The following RAC2 variants were observed in gnomAD, a reference collection of about 807,000 sequenced individuals.
RAC2 encodes the protein Rac family small GTPase 2.
A neutral mutation model predicts 24.0 loss-of-function variants in RAC2; 1 was observed. That is an observed-to-expected ratio of 0.04 (90% CI 0.01 to 0.20). The LOEUF (loss-of-function observed/expected upper bound fraction) is 0.20, where lower values mean the gene tolerates loss of function less well. RAC2 is among the 10% of genes least tolerant of loss of function. RAC2 has a pLI of 1.00. For synonymous variants in RAC2, 114 were observed against 106.8 expected (o/e 1.07, Z -0.41); for missense variants, 130 against 259.1 (o/e 0.50, Z 3.42).
At chr22:37,237,468 G>A (rs1407297984) in intron 2 of RAC2, among the ~76,000 whole-genome samples, 1 of 152,092 alleles carries the variant, frequency 6.6e-6, no homozygotes, top group Non-Finnish European at 1.5e-5. Flanking sequence ...TGGACATCAT[G>A]AGGCACCCAC....
rs1927490422 is a variant in RAC2, at chr22:37,244,105, G to A, written c.35+9C>T. On this transcript the variant is annotated intron_variant, in intron 1 of 6. Coordinates refer to ENST00000249071, the MANE Select transcript of RAC2 (RefSeq NM_002872.5). The stretch of plus-strand genomic sequence containing the variant: ...TGGGGGCTGTGAGGAAGTCCAGCCA[G>A]GTACCTACCCATCTCCCACCACCAC... 6.2e-7 allele frequency: 1 copy of A among 1,614,214 alleles called. No individual in the cohort carries two copies. The highest frequency in any genetic ancestry group is 1.3e-5 in the African/African-American group (1 of 75,076).
At chr22:37,234,340 A>G (rs1484439452) in intron 2 of RAC2, among the ~76,000 whole-genome samples, 1 of 152,148 alleles carries the variant, frequency 6.6e-6, no homozygotes, top group African/African-American at 2.4e-5. Context: ...GGTGCTGGCT[A>G]CCCACGCTGT....
chr22:37,234,752 TG>T (rs1372900833), intron 2 of RAC2, among the ~76,000 whole-genome samples: 1 of 152,208 alleles, frequency 6.6e-6, no homozygotes, highest in African/African-American at 2.4e-5. Context: ...ACCTGGTCTC[TG>T]GCCCCCACAC....
At chr22:37,236,497 G>T (rs1927226946) in intron 2 of RAC2, among the ~76,000 whole-genome samples, 1 of 152,242 alleles carries the variant, frequency 6.6e-6, no homozygotes, top group Non-Finnish European at 1.5e-5. Context: ...GCAGAGCAAG[G>T]CTAGATCCTG....
intron 3 of RAC2, chr22:37,232,325 G>A: frequency 2.1e-6 from 1 of 465,448 alleles, no homozygotes; most frequent in East Asian, 4.3e-5. Flanking sequence ...TCTGGTGAGG[G>A]GAGGATCTGG....
At chr22:37,230,172 C>A (rs1490577437) in intron 5 of RAC2, among the ~76,000 whole-genome samples, 2 of 151,688 alleles carry the variant, frequency 1.3e-5, no homozygotes, top group African/African-American at 2.4e-5. Context: ...TGTGTCACCA[C>A]GCTAGTCACA....
At chr22:37,234,602 TCTC>T (rs903420688) in intron 2 of RAC2, among the ~76,000 whole-genome samples, 29 of 151,894 alleles carry the variant, frequency 1.9e-4, no homozygotes, top group African/African-American at 7.0e-4. Context: ...TCCTCTGACT[TCTC>T]CTCCTACTCC....
chr22:37,228,723 G>A (rs1397940138), intron 5 of RAC2, among the ~76,000 whole-genome samples: 1 of 152,250 alleles, frequency 6.6e-6, no homozygotes, highest in African/African-American at 2.4e-5. Flanking sequence ...CAGAGCTGGG[G>A]GGAGAAGTCG....
At chr22:37,241,535 G>T in intron 2 of RAC2, 52 bp downstream of exon 2, 1 of 1,552,118 alleles carries the variant, frequency 6.4e-7, no homozygotes, top group Non-Finnish European at 8.9e-7. Context: ...GGGTCGACTT[G>T]GTGACGGTCT....
chr22:37,244,004 C>T, intron 1 of RAC2, 110 bp downstream of exon 1: 1 of 1,457,082 alleles, frequency 6.9e-7, no homozygotes, highest in South Asian at 1.2e-5. Flanking sequence ...AAGCTGCCTT[C>T]CAGGGACGCC....
intron 1 of RAC2, 35 bp downstream of exon 1, chr22:37,244,079 T>C (rs373926430): frequency 3.5e-5 from 56 of 1,613,522 alleles, no homozygotes; most frequent in Non-Finnish European, 4.5e-5. Flanking sequence ...GGCATCCCAG[T>C]TGGGGGCTGT....
Position 37,231,470 on chromosome 22 carries a change from G to A in RAC2, c.289-80C>T, listed in dbSNP as rs2145823708. 5 of 1,397,696 alleles carry A rather than the reference G, an allele frequency of 3.6e-6. No homozygotes were observed. In the South Asian group the frequency reaches 5.8e-5, roughly 16 times the overall value. 86.6% of individuals were successfully genotyped at this position (1,397,696 alleles called of 1,614,324 possible). Reference sequence around the variant, plus strand: ...GCTGTGCGGGGATCAGAGGGAGTGTGAGGGTGTAGGGAGAGGAGAGGCAGC... The same window carrying A: ...GCTGTGCGGGGATCAGAGGGAGTGTAAGGGTGTAGGGAGAGGAGAGGCAGC... On this transcript the variant is annotated intron_variant, in intron 4 of 6. Coordinates refer to ENST00000249071, the MANE Select transcript of RAC2 (RefSeq NM_002872.5). This position sits in a 1 kb window ranked among gnomAD's most constrained non-coding sequence, Gnocchi z 5.5.
At position 37,229,870 on chromosome 22, in the gene RAC2, A is replaced by G. The variant is rs568544407; in HGVS notation, c.448+1361T>C. The stretch of plus-strand genomic sequence containing the variant: ...ACCCAAGGTCACACAGCCAATCAGT[A>G]TCAGAGCCAGGACCAGAATCCAGGC... On this transcript the variant is annotated intron_variant, in intron 5 of 6. Transcript: ENST00000249071. Among the ~76,000 whole-genome samples the G allele has an allele frequency of 2.6e-5, 4 of 152,330 alleles. No individual in the cohort carries two copies. In the East Asian group the frequency reaches 5.8e-4, roughly 22 times the overall value.
chr22:37,232,050 T>G, intron 3 of RAC2, 56 bp from the exon 4 acceptor site: 2 of 1,513,614 alleles, frequency 1.3e-6, no homozygotes, highest in Admixed American at 2.0e-5. Context: ...TGTCCCACCA[T>G]GGCAGCCACC....
chr22:37,243,346 A>C (rs899054407), intron 1 of RAC2, among the ~76,000 whole-genome samples: 2 of 152,234 alleles, frequency 1.3e-5, no homozygotes, highest in South Asian at 4.2e-4. Flanking sequence ...CCCAGGGGAC[A>C]AGACAGCCTG....
rs1001541991 is a variant in RAC2 at position 37,232,705 on chromosome 22, A to G, written c.225+96T>C. 8.2e-5 allele frequency: 84 copies of G among 1,029,112 alleles called. No homozygotes were observed. In the East Asian group the frequency reaches 1.9e-3, roughly 24 times the overall value. 63.7% of individuals were successfully genotyped at this position (1,029,112 alleles called of 1,614,324 possible). A position where few individuals can be genotyped will look rare whatever the true frequency, so the allele number is the denominator to read the frequency against. ...TGAGCTGGGCCTTAAGGGGAGAGGT[A>G]GGGTTTCCCAGGCTGAGCTGGCTGG... On this transcript the variant is annotated intron_variant, in intron 3 of 6. Transcript: ENST00000249071.
chr22:37,241,989 G>C (rs951556903), intron 1 of RAC2, among the ~76,000 whole-genome samples: 2 of 152,330 alleles, frequency 1.3e-5, no homozygotes, highest in East Asian at 3.9e-4. Flanking sequence ...AGGCAATGCC[G>C]AGGGGCCCCC....
intron 1 of RAC2, among the ~76,000 whole-genome samples, chr22:37,243,598 TC>T (rs751730290): frequency 1.3e-4 from 20 of 152,142 alleles, no homozygotes; most frequent in Non-Finnish European, 2.9e-4. Flanking sequence ...AGACAGCCAC[TC>T]AGCTTATCTC....
At chr22:37,227,717 A>G (rs1432708020) in intron 5 of RAC2, among the ~76,000 whole-genome samples, 1 of 139,188 alleles carries the variant, frequency 7.2e-6, no homozygotes, top group African/African-American at 2.7e-5. Flanking sequence ...CCCAAGCCAT[A>G]CAACTGAACA....
Sources: allele counts gnomAD v4.1 joint callset (sites outside exome capture counted in the v4.1 genomes callset), GRCh38; gene constraint gnomAD v4.1.1; non-coding constraint Gnocchi (gnomAD v3.1); transcripts MANE v1.5; gene names NCBI Gene and HGNC (gene_info 2026-07-23, HGNC 2026-07-21).